GLI2: variants seen among roughly 807,000 people sequenced by gnomAD.
GLI2 encodes the protein transcription activator GLI2.
In GLI2, 22 loss-of-function variants were observed where a neutral mutation model predicts 78.9. The observed-to-expected ratio is 0.28, with a 90% CI of 0.20 to 0.40. The LOEUF is 0.40. GLI2 is among the 10% of genes least tolerant of loss of function. The pLI is 1.00. For synonymous variants in GLI2, 974 were observed against 963.7 expected (o/e 1.01, Z -0.20); for missense variants, 2,097 against 2,213.2 (o/e 0.95, Z 1.05).
At chr2:120,789,452 C>T (rs942113170) in intron 1 of GLI2, among the ~76,000 whole-genome samples, 1 of 152,106 alleles carries the variant, frequency 6.6e-6, no homozygotes, top group African/African-American at 2.4e-5. Flanking sequence ...GCTCTCCGGG[C>T]CAAGTTCAGG....
At chr2:120,784,179 G>A (rs572617740) in intron 1 of GLI2, among the ~76,000 whole-genome samples, 8 of 152,316 alleles carry the variant, frequency 5.3e-5, no homozygotes, top group Non-Finnish European at 8.8e-5. Context: ...AGGGGCCTGG[G>A]AATGAAAGTC....
chr2:120,982,083 T>C (rs1051103979), intron 10 of GLI2, among the ~76,000 whole-genome samples: 10 of 151,918 alleles, frequency 6.6e-5, no homozygotes, highest in African/African-American at 2.4e-4. Context: ...CCTAAAAGAT[T>C]GAGAGGGAGG....
At chr2:120,792,874 G>T (rs929677702) in intron 1 of GLI2, among the ~76,000 whole-genome samples, 13 of 152,184 alleles carry the variant, frequency 8.5e-5, no homozygotes, top group African/African-American at 3.1e-4. Flanking sequence ...GCCTGCCTCG[G>T]CCTCCCAAAG....
In GLI2 at chr2:120,939,185, G is replaced by A. The variant is rs544826752; in HGVS notation, c.254+11719G>A. On this transcript the variant is annotated intron_variant, in intron 3 of 13. Coordinates refer to ENST00000361492, the MANE Select transcript of GLI2 (RefSeq NM_001374353.1). Reference sequence around the variant, plus strand: ...TAATCCCAGCTACTGGGGAGGCTGAGGCAGAAGAATCACTTGAACCTAGGA... The same window carrying A: ...TAATCCCAGCTACTGGGGAGGCTGAAGCAGAAGAATCACTTGAACCTAGGA... 3.5e-4 allele frequency among the ~76,000 whole-genome samples: 54 copies of A among 152,220 alleles called. No homozygotes were observed. In the South Asian group the frequency reaches 0.011, roughly 30 times the overall value.
chr2:120,755,431 A>AT (rs887920717), intron 1 of GLI2, among the ~76,000 whole-genome samples: 79 of 149,632 alleles, frequency 5.3e-4, no homozygotes, highest in Middle Eastern at 6.9e-3. Context: ...CTTTTGCTCA[A>AT]TTTTTTTTTT....
At chr2:120,944,099 T>C (rs1217986601) in intron 3 of GLI2, among the ~76,000 whole-genome samples, 1 of 152,198 alleles carries the variant, frequency 6.6e-6, no homozygotes, top group Non-Finnish European at 1.5e-5. Flanking sequence ...TCCGAGGGTC[T>C]GGCATGCTCG....
In GLI2 at chr2:120,988,920, C is replaced by T; in HGVS notation, c.2955C>T (p.Ala985=). The part of the protein sequence containing the change: ...NVNPGPLPPC[A]DRRGLRLQSH... Reference sequence around the variant, plus strand: ...ACCCCGGCCCGCTGCCGCCCTGTGCCGACAGGCGAGGCCTCCGCCTGCAGA... The same window carrying T: ...ACCCCGGCCCGCTGCCGCCCTGTGCTGACAGGCGAGGCCTCCGCCTGCAGA... Residue 985 remains alanine, a synonymous_variant, in exon 14 of 14, where the codon GCC becomes GCT. Transcript: ENST00000361492. 6.6e-7 allele frequency: 1 copy of T among 1,520,440 alleles called. No individual in the cohort carries two copies. The highest frequency in any genetic ancestry group is 8.8e-7 in the Non-Finnish European group (1 of 1,137,560). The allele number at this position is 1,520,440 out of a possible 1,614,324, so 94.2% of individuals were successfully genotyped here. A position where few individuals can be genotyped will look rare whatever the true frequency, so the allele number is the denominator to read the frequency against.
intron 2 of GLI2, among the ~76,000 whole-genome samples, chr2:120,857,936 A>T (rs1481851221): frequency 1.3e-5 from 2 of 152,070 alleles, no homozygotes; most frequent in African/African-American, 4.8e-5. Context: ...GGTTGCTTCT[A>T]ATTCCCTCGC....
intron 2 of GLI2, among the ~76,000 whole-genome samples, chr2:120,847,607 TG>T (rs1027607002): frequency 7.0e-6 from 1 of 143,772 alleles, no homozygotes; most frequent in Admixed American, 6.9e-5. Context: ...GAACTTGGAT[TG>T]GGGGGTTGGT....
At chr2:120,838,572 A>T (rs948367387) in intron 2 of GLI2, among the ~76,000 whole-genome samples, 2 of 152,216 alleles carry the variant, frequency 1.3e-5, no homozygotes, top group African/African-American at 2.4e-5. Flanking sequence ...AAAATTTCTG[A>T]TAGCCACATT....
chr2:120,801,029 C>G (rs1684685935), intron 2 of GLI2, among the ~76,000 whole-genome samples: 1 of 152,222 alleles, frequency 6.6e-6, no homozygotes, highest in African/African-American at 2.4e-5. Context: ...GCCTCCCCCA[C>G]CCCTCACTGT....
intron 2 of GLI2, among the ~76,000 whole-genome samples, chr2:120,924,363 G>A (rs1180266798): frequency 6.6e-6 from 1 of 152,178 alleles, no homozygotes; most frequent in Non-Finnish European, 1.5e-5. Context: ...TTTAGGCTGG[G>A]TGGAGGGAAA....
intron 2 of GLI2, among the ~76,000 whole-genome samples, chr2:120,804,508 A>G (rs894636904): frequency 9.2e-5 from 14 of 152,232 alleles, no homozygotes; most frequent in Admixed American, 2.6e-4. Flanking sequence ...CCCCATGGCC[A>G]GCAGGGAGCT....
chr2:120,884,011 C>T (rs1408034310), intron 2 of GLI2, among the ~76,000 whole-genome samples: 1 of 152,160 alleles, frequency 6.6e-6, no homozygotes, highest in Non-Finnish European at 1.5e-5. Flanking sequence ...TGTTCCTGCT[C>T]ATACTTTTGC....
chr2:120,881,622 GTGGGGGAGGACAGTGCAAGGAGGGCAGTT>G (rs1677134412), intron 2 of GLI2, among the ~76,000 whole-genome samples: 1 of 91,460 alleles, frequency 1.1e-5, no homozygotes, highest in Non-Finnish European at 2.2e-5. Flanking sequence ...GGGAGGACAG[GTGGGGGAGGACAGTGCAAGGAGGGCAGTT>G]TGGGGGAGGA....
At chr2:120,968,598 C>A in intron 5 of GLI2, 116 bp from the exon 6 acceptor site, 1 of 828,518 alleles carries the variant, frequency 1.2e-6, no homozygotes, top group Non-Finnish European at 2.1e-6. Context: ...GGAAAGTCGG[C>A]AAAGCTAGGA....
intron 2 of GLI2, among the ~76,000 whole-genome samples, chr2:120,908,071 A>C (rs1280491440): frequency 6.6e-6 from 1 of 152,158 alleles, no homozygotes; most frequent in Non-Finnish European, 1.5e-5. Context: ...TCATGCCCAC[A>C]TGGGGCCCTA....
At chr2:120,812,776 G>T (rs930729839) in intron 2 of GLI2, among the ~76,000 whole-genome samples, 1 of 152,172 alleles carries the variant, frequency 6.6e-6, no homozygotes, top group Non-Finnish European at 1.5e-5. Flanking sequence ...TTTCTCCTGG[G>T]CTGTGTTTTT....
At chr2:120,790,005 G>T (rs1684101796) in intron 1 of GLI2, among the ~76,000 whole-genome samples, 3 of 152,238 alleles carry the variant, frequency 2.0e-5, no homozygotes, top group Admixed American at 1.3e-4. Context: ...TAGTCATGGG[G>T]CTCCCGGTGC....
Sources: gnomAD v4.1 joint callset for allele counts (sites outside exome capture counted in the v4.1 genomes callset) on GRCh38, gnomAD v4.1.1 for gene constraint, MANE v1.5 for transcripts, NCBI Gene and HGNC (gene_info 2026-07-23, HGNC 2026-07-21) for gene names.